The following KMT2D variants were observed in gnomAD, a reference collection of about 807,000 sequenced individuals.
KMT2D encodes the protein histone-lysine N-methyltransferase 2D.
Under a neutral mutation model 512.7 loss-of-function variants are expected in KMT2D, and 55 were observed. The ratio of observed to expected loss-of-function variants is 0.11; its 90% CI spans 0.09 to 0.13. The LOEUF is 0.13. Ranked by LOEUF, KMT2D falls within the 10% of genes least tolerant of loss-of-function variation. KMT2D has a pLI of 1.00. For missense variants in KMT2D, 6,061 were observed against 7,127.9 expected (o/e 0.85, Z 5.39); for synonymous variants, 2,995 against 2,904.0 (o/e 1.03, Z -1.01).
In KMT2D at chr12:49,048,089, C is replaced by T. The variant is rs1555195475; in HGVS notation, c.4132-20G>A. The T allele has an allele frequency of 2.6e-6, 4 of 1,526,132 alleles. No homozygotes were observed. In the East Asian group the frequency reaches 9.1e-5, roughly 35 times the overall value. 94.5% of individuals were successfully genotyped at this position (1,526,132 alleles called of 1,614,324 possible). On this transcript the variant is annotated intron_variant, in intron 14 of 54. Coordinates refer to ENST00000301067, the MANE Select transcript of KMT2D (RefSeq NM_003482.4). ...CATGTCCTGGGGAAACACAGAGAAACCCAAATGTCCAACTAGATCTCCCCA... is the reference window on the plus strand; with the variant it reads ...CATGTCCTGGGGAAACACAGAGAAATCCAAATGTCCAACTAGATCTCCCCA...
chr12:49,054,412 G>C lies in KMT2D; in HGVS notation c.405C>G (p.Ser135=), dbSNP rs902134701. Residue 135 remains serine, a synonymous_variant, in exon 5 of 55, where the codon TCC becomes TCG. Transcript: ENST00000301067. This position sits in a 1 kb window ranked among gnomAD's most constrained non-coding sequence, Gnocchi z 6.4. ...CAGCACACCAATGGTGAGCCCAGCA[G>C]GACCCTTTACAGGTGGGAAGAGGTA... ...TPAHLGEPGG[S]CWAHHWCAAW... 2 of 1,585,044 alleles carry C rather than the reference G, an allele frequency of 1.3e-6. No homozygotes were observed. The highest frequency in any genetic ancestry group is 2.3e-5 in the South Asian group (2 of 86,974).
At chr12:49,034,541 T>C (rs1943125018) in intron 37 of KMT2D, 41 bp downstream of exon 37, 2 of 1,612,028 alleles carry the variant, frequency 1.2e-6, no homozygotes, top group Non-Finnish European at 1.7e-6. Flanking sequence ...GGTGGCCCAG[T>C]GGCATAAGAC....
At position 49,037,190 on chromosome 12, in the gene KMT2D, A is replaced by T. The variant is rs779466301; in HGVS notation, c.10166T>A (p.Met3389Lys). 1 of 1,606,320 alleles carries T rather than the reference A, an allele frequency of 6.2e-7. No individual in the cohort carries two copies. The highest frequency in any genetic ancestry group is 8.5e-7 in the Non-Finnish European group (1 of 1,173,900). The stretch of plus-strand genomic sequence containing the variant: ...TGCCAATTGCTGCGGCTTCATGCAC[A>T]TGGAAGGTGGCATGGTGCCCATGGG... Reference protein sequence around the residue: ...QKPMGTMPPSMCMKPQQLAMQ... With the variant: ...QKPMGTMPPSKCMKPQQLAMQ... The change falls in exon 35 of 55, where the codon ATG (methionine) becomes AAG (lysine). Residue 3389 changes from methionine (M) to lysine (K), a missense_variant. Around this residue, in one of 16 missense-constraint regions of KMT2D, gnomAD observed 533 missense variants for 539.6 expected, o/e 0.99. Transcript: ENST00000301067.
chr12:49,033,125 C>T lies in KMT2D; in HGVS notation c.11580G>A (p.Gln3860=), dbSNP rs747385328. 1.3e-6 allele frequency: 2 copies of T among 1,542,292 alleles called. No individual in the cohort carries two copies. Among genetic ancestry groups the T allele is most frequent in the Admixed American group, 2.0e-5 (1 of 50,334 alleles). Residue 3860 remains glutamine (Q), a synonymous_variant, in exon 40 of 55, where the codon CAG becomes CAA. Coordinates refer to ENST00000301067, the MANE Select transcript of KMT2D (RefSeq NM_003482.4). ...HRLVTAQQQQ[Q]QQQHQQQGSM... Reference sequence around the variant, plus strand: ...ACCCTTGCTGTTGGTGCTGTTGTTGCTGCTGCTGCTGCTGGGCTGTGACCA... The same window carrying T: ...ACCCTTGCTGTTGGTGCTGTTGTTGTTGCTGCTGCTGCTGGGCTGTGACCA...
rs376475904 is a variant in KMT2D at position 49,052,946 on chromosome 12, C to T, written c.1081G>A (p.Val361Ile). Residue 361 changes from valine (V) to isoleucine (I), a missense_variant, in exon 9 of 55, where the codon GTT (valine) becomes ATT (isoleucine). Transcript: ENST00000301067. ...KAQGGQTIRS[V>I]AEQHTPVCSR... Reference sequence around the variant, plus strand: ...CACACCGGGGTATGCTGCTCAGCAACGGAGCGGATAGTCTGACCTCCCTGG... The same window carrying T: ...CACACCGGGGTATGCTGCTCAGCAATGGAGCGGATAGTCTGACCTCCCTGG... 12 of 1,613,880 alleles carry T rather than the reference C, an allele frequency of 7.4e-6. No individual in the cohort carries two copies. Among genetic ancestry groups the T allele is most frequent in the African/African-American group, 6.7e-5 (5 of 74,930 alleles).
At position 49,041,413 on chromosome 12, in the gene KMT2D, A is replaced by G. The variant is rs1287429872; in HGVS notation, c.6357T>C (p.Ala2119=). The G allele has an allele frequency of 1.2e-6, 2 of 1,604,090 alleles. No homozygotes were observed. Among genetic ancestry groups the G allele is most frequent in the African/African-American group, 1.3e-5 (1 of 74,512 alleles). The change falls in exon 32 of 55, where the codon GCT becomes GCC. Residue 2119 remains alanine, a synonymous_variant. Coordinates refer to ENST00000301067, the MANE Select transcript of KMT2D (RefSeq NM_003482.4). The surrounding 1 kb of genome is among the most constrained non-coding windows in gnomAD (Gnocchi z 5.4). ...TGCCAATGAAAATGGTGGGGGCAGC[A>G]GCGGGGGGCGGGCTGCCCAGTGCCC... is the stretch of plus-strand genomic sequence containing the variant. ...QPGALGSPPP[A]AAPTIFIGSP...
rs752523300 is a variant in KMT2D at position 49,030,996 on chromosome 12, T to G, written c.13568A>C (p.Lys4523Thr). The G allele has an allele frequency of 1.2e-6, 2 of 1,613,958 alleles. No homozygotes were observed. Among genetic ancestry groups the G allele is most frequent in the East Asian group, 4.5e-5 (2 of 44,876 alleles). The change falls in exon 41 of 55, where the codon AAG becomes ACG. Residue 4523 changes from lysine to threonine, a missense_variant. This residue lies in a region of KMT2D where 1,600 missense variants were observed against 1,754.9 expected (regional missense o/e 0.91). Coordinates refer to ENST00000301067, the MANE Select transcript of KMT2D (RefSeq NM_003482.4). ...CCTGTCGCTTGCCTTCTGTACCCGC[T>G]TGGGCTTCGGTGTCAAAGGCTTCCT... ...AARKPLTPKP[K>T]RVQKASDRLV...
At position 49,039,524 on chromosome 12, in the gene KMT2D, C is replaced by T. The variant is rs1350641483; in HGVS notation, c.8140G>A (p.Val2714Met). The T allele has an allele frequency of 6.2e-7, 1 of 1,612,350 alleles. No individual in the cohort carries two copies. The highest frequency in any genetic ancestry group is 1.3e-5 in the African/African-American group (1 of 75,042). Residue 2714 changes from valine to methionine, a missense_variant, in exon 33 of 55, where the codon GTG becomes ATG. Transcript: ENST00000301067. The surrounding 1 kb of genome is among the most constrained non-coding windows in gnomAD (Gnocchi z 5.0). ...KETAAAAAGA[V>M]GPPGSWGAEP... ...GCACCCCAGCTGCCTGGAGGCCCCA[C>T]TGCTCCTGCAGCTGCTGCAGCTGTT...
chr12:49,033,729 G>A lies in KMT2D; in HGVS notation c.10976C>T (p.Pro3659Leu). 6.2e-7 allele frequency: 1 copy of A among 1,613,562 alleles called. No homozygotes were observed. Among genetic ancestry groups the A allele is most frequent in the East Asian group, 2.2e-5 (1 of 44,868 alleles). ...GGQAGGLRLT[P>L]GGMALPGQPG... ...CTGTCCAGGTAGTGCCATACCCCCA[G>A]GGGTCAGGCGAAGACCTCCGGCTTG... The change falls in exon 40 of 55, where the codon CCT becomes CTT. Residue 3659 changes from proline to leucine, a missense_variant. By Grantham distance (98) the Pro-to-Leu change is moderately conservative (BLOSUM62 -3). Coordinates refer to ENST00000301067, the MANE Select transcript of KMT2D (RefSeq NM_003482.4).
chr12:49,052,185 C>T lies in KMT2D; in HGVS notation c.1498G>A (p.Glu500Lys), dbSNP rs2120682549. ...TCAGGTGGGGGAGACAGAGGAGACTCCTCAGGCGGCGGAGAGAGGGGCGAT... is the reference window on the plus strand; with the variant it reads ...TCAGGTGGGGGAGACAGAGGAGACTTCTCAGGCGGCGGAGAGAGGGGCGAT... ...EESPLSPPPEESPLSPPPESS... is the reference protein window; with the variant it reads ...EESPLSPPPEKSPLSPPPESS... Residue 500 changes from glutamate (E) to lysine (K), a missense_variant, in exon 11 of 55, where the codon GAG (glutamate) becomes AAG (lysine). Transcript: ENST00000301067. 1 of 1,613,516 alleles carries T rather than the reference C, an allele frequency of 6.2e-7. No homozygotes were observed. Among genetic ancestry groups the T allele is most frequent in the Non-Finnish European group, 8.5e-7 (1 of 1,179,722 alleles).
intron 1 of KMT2D, among the ~76,000 whole-genome samples, chr12:49,058,670 G>A (rs1356722471): frequency 6.6e-6 from 1 of 152,156 alleles, no homozygotes; most frequent in Non-Finnish European, 1.5e-5. Flanking sequence ...AGAGACACAG[G>A]CCACCCCATT....
Position 49,051,207 on chromosome 12 carries a change from G to A in KMT2D, c.2476C>T (p.Pro826Ser), listed in dbSNP as rs766963404. ...GACAGGTGTGATTCCTCAGGTTGGGGGGACAAGCATGGCTCCTCAGGCACA... is the reference window on the plus strand; with the variant it reads ...GACAGGTGTGATTCCTCAGGTTGGGAGGACAAGCATGGCTCCTCAGGCACA... ...SPVPEEPCLS[P>S]QPEESHLSPQ... Residue 826 changes from proline to serine, a missense_variant, in exon 11 of 55, where the codon CCC becomes TCC. Physicochemically the swap from Pro to Ser is moderately conservative, Grantham distance 74. Around this residue, in one of 16 missense-constraint regions of KMT2D, gnomAD observed 848 missense variants for 838.5 expected, o/e 1.01. Coordinates refer to ENST00000301067, the MANE Select transcript of KMT2D (RefSeq NM_003482.4). 2.6e-6 allele frequency: 4 copies of A among 1,514,584 alleles called. No individual in the cohort carries two copies. In the African/African-American group the frequency reaches 4.2e-5, roughly 16 times the overall value. 93.8% of individuals were successfully genotyped at this position (1,514,584 alleles called of 1,614,324 possible). A position where few individuals can be genotyped will look rare whatever the true frequency, so the allele number is the denominator to read the frequency against.
chr12:49,037,329 G>C lies in KMT2D; in HGVS notation c.10027C>G (p.Leu3343Val), dbSNP rs1299043216. ...QPPAHALQQR[L>V]APSMAMVSNQ... Reference sequence around the variant, plus strand: ...GACACCATAGCCATGGATGGAGCCAGGCGTTGCTGGAGGGCATGAGCTGGT... The same window carrying C: ...GACACCATAGCCATGGATGGAGCCACGCGTTGCTGGAGGGCATGAGCTGGT... Residue 3343 changes from leucine to valine, a missense_variant, in exon 35 of 55, where the codon CTG (leucine) becomes GTG (valine). Around this residue, in one of 16 missense-constraint regions of KMT2D, gnomAD observed 533 missense variants for 539.6 expected, o/e 0.99. Coordinates refer to ENST00000301067, the MANE Select transcript of KMT2D (RefSeq NM_003482.4). 6 of 1,612,286 alleles carry C rather than the reference G, an allele frequency of 3.7e-6. No individual in the cohort carries two copies. Among genetic ancestry groups the C allele is most frequent in the East Asian group, 2.2e-5 (1 of 44,866 alleles).
rs776242478 is a variant in KMT2D at position 49,052,055 on chromosome 12, G to A, written c.1628C>T (p.Ser543Leu). The A allele has an allele frequency of 4.3e-6, 7 of 1,613,170 alleles. No individual in the cohort carries two copies. The highest frequency in any genetic ancestry group is 1.3e-5 in the African/African-American group (1 of 74,708). The stretch of plus-strand genomic sequence containing the variant: ...TTCTTCAAATGGTGGGGACAGGGGC[G>A]ATGCTTCAGGTGGTGGGGATAGAGG... ...ETPLSPPPEA[S>L]PLSPPFEESP... The change falls in exon 11 of 55, where the codon TCG (serine) becomes TTG (leucine). Residue 543 changes from serine to leucine, a missense_variant. Coordinates refer to ENST00000301067, the MANE Select transcript of KMT2D (RefSeq NM_003482.4).
At chr12:49,056,308 G>A (rs1236272052) in intron 1 of KMT2D, among the ~76,000 whole-genome samples, 1 of 152,182 alleles carries the variant, frequency 6.6e-6, no homozygotes, top group Non-Finnish European at 1.5e-5. Context: ...TGGGGGTGGG[G>A]AATAACGGTC....
chr12:49,033,110 T>C lies in KMT2D; in HGVS notation c.11595A>G (p.Gln3865=). 6.4e-7 allele frequency: 1 copy of C among 1,551,450 alleles called. No homozygotes were observed. Among genetic ancestry groups the C allele is most frequent in the Non-Finnish European group, 8.7e-7 (1 of 1,146,870 alleles). Residue 3865 remains glutamine, a synonymous_variant, in exon 40 of 55, where the codon CAA becomes CAG. Transcript: ENST00000301067. ...AQQQQQQQQH[Q]QQGSMAGLSH... is the part of the protein sequence containing the mutation. ...ACAGCCCTGCCATGGACCCTTGCTG[T>C]TGGTGCTGTTGTTGCTGCTGCTGCT...
Position 49,031,825 on chromosome 12 carries a change from C to G in KMT2D, c.12880G>C (p.Gly4294Arg), listed in dbSNP as rs1251437064. Reference protein sequence around the residue: ...QGPPRLPAPPGALSTGPVLGP... With the variant: ...QGPPRLPAPPRALSTGPVLGP... ...AGGACTGGTCCTGTAGATAAGGCTC[C>G]TGGTGGGGCAGGGAGCCGGGGTGGG... The change falls in exon 40 of 55, where the codon GGA becomes CGA. Residue 4294 changes from glycine to arginine, a missense_variant. Transcript: ENST00000301067. 5.1e-6 allele frequency: 8 copies of G among 1,563,586 alleles called. No individual in the cohort carries two copies. Among genetic ancestry groups the G allele is most frequent in the Non-Finnish European group, 6.9e-6 (8 of 1,154,138 alleles).
rs200528183 is a variant in KMT2D, at chr12:49,051,211, C to G, written c.2472G>C (p.Leu824Phe). The stretch of plus-strand genomic sequence containing the variant: ...GGTGTGATTCCTCAGGTTGGGGGGA[C>G]AAGCATGGCTCCTCAGGCACAGGAG... ...HLSPVPEEPC[L>F]SPQPEESHLS... The change falls in exon 11 of 55, where the codon TTG becomes TTC. Residue 824 changes from leucine to phenylalanine, a missense_variant. Coordinates refer to ENST00000301067, the MANE Select transcript of KMT2D (RefSeq NM_003482.4). 1 of 1,504,214 alleles carries G rather than the reference C, an allele frequency of 6.6e-7. No homozygotes were observed. Among genetic ancestry groups the G allele is most frequent in the African/African-American group, 1.4e-5 (1 of 69,836 alleles). 93.2% of individuals were successfully genotyped at this position (1,504,214 alleles called of 1,614,324 possible). A position where few individuals can be genotyped will look rare whatever the true frequency, so the allele number is the denominator to read the frequency against.
chr12:49,035,287 A>G (rs1056177112), intron 35 of KMT2D, among the ~76,000 whole-genome samples: 1 of 152,224 alleles, frequency 6.6e-6, no homozygotes, highest in Non-Finnish European at 1.5e-5. Flanking sequence ...GAATATAAGT[A>G]CACTTTATGA....
Sources: allele counts gnomAD v4.1 joint callset (sites outside exome capture counted in the v4.1 genomes callset), GRCh38; gene constraint gnomAD v4.1.1; regional missense constraint gnomAD v4.1.1; non-coding constraint Gnocchi (gnomAD v3.1); transcripts MANE v1.5; gene names NCBI Gene and HGNC (gene_info 2026-07-23, HGNC 2026-07-21).